NPTN: variants seen among roughly 807,000 people sequenced by gnomAD.
NPTN encodes the protein neuroplastin.
NPTN carries 5 observed loss-of-function variants against 42.7 expected under a neutral mutation model. The ratio of observed to expected loss-of-function variants is 0.12; its 90% confidence interval spans 0.06 to 0.25. The LOEUF (loss-of-function observed/expected upper bound fraction) is 0.25. Among genes scored for constraint, NPTN ranks in the 10% least tolerant of loss-of-function variants. The pLI, the probability that NPTN is intolerant of heterozygous loss-of-function variation, is 1.00. For synonymous variants in NPTN, 180 were observed against 201.9 expected (o/e 0.89, Z 0.92); for missense variants, 307 against 525.4 (o/e 0.58, Z 4.06).
At chr15:73,582,161 T>C (rs1896081805) in intron 4 of NPTN, among the ~76,000 whole-genome samples, 1 of 152,234 alleles carries the variant, frequency 6.6e-6, no homozygotes, top group South Asian at 2.1e-4. Context: ...TTTTAAAGCA[T>C]GTTCATAACC....
chr15:73,582,912 A>G (rs1896124475), intron 4 of NPTN, among the ~76,000 whole-genome samples: 1 of 152,124 alleles, frequency 6.6e-6, no homozygotes, highest in African/African-American at 2.4e-5. Context: ...ATCGGACTCC[A>G]AGTTCTTCAG....
At chr15:73,565,479 G>A (rs184566875) in intron 6 of NPTN, among the ~76,000 whole-genome samples, 1 of 152,310 alleles carries the variant, frequency 6.6e-6, no homozygotes, top group Admixed American at 6.5e-5. Context: ...ATTATGAACT[G>A]TGCATCGTAT....
At chr15:73,622,810 A>C (rs969151535) in intron 1 of NPTN, among the ~76,000 whole-genome samples, 5 of 152,214 alleles carry the variant, frequency 3.3e-5, no homozygotes, top group African/African-American at 1.2e-4. Context: ...CAAAATAGCA[A>C]AGATACATTC....
intron 1 of NPTN, among the ~76,000 whole-genome samples, chr15:73,616,745 T>C (rs149817832): frequency 5.1e-4 from 78 of 152,312 alleles, no homozygotes; most frequent in African/African-American, 1.8e-3. Flanking sequence ...ACTACTTACC[T>C]AGTGTCCCAA....
At chr15:73,602,081 G>A (rs1897106814) in intron 1 of NPTN, among the ~76,000 whole-genome samples, 1 of 152,092 alleles carries the variant, frequency 6.6e-6, no homozygotes, top group Non-Finnish European at 1.5e-5. Flanking sequence ...CCAATCCCAG[G>A]AAAACTGCTT....
intron 3 of NPTN, among the ~76,000 whole-genome samples, chr15:73,591,121 A>G (rs200867418): frequency 2.6e-5 from 4 of 152,180 alleles, no homozygotes; most frequent in African/African-American, 4.8e-5. Context: ...CTTGCTTGGG[A>G]AAAAAAGGAT....
intron 1 of NPTN, among the ~76,000 whole-genome samples, chr15:73,605,771 G>C (rs1374341782): frequency 6.6e-6 from 1 of 150,672 alleles, no homozygotes; most frequent in Middle Eastern, 3.5e-3. Flanking sequence ...GCAAAGAGAA[G>C]AATCAGCTCA....
intron 3 of NPTN, among the ~76,000 whole-genome samples, chr15:73,590,184 C>T (rs954868180): frequency 6.6e-6 from 1 of 152,046 alleles, no homozygotes; most frequent in Non-Finnish European, 1.5e-5. Context: ...TCCCTACAGG[C>T]TGGGCAGAAG....
chr15:73,582,751 G>A (rs1373827969), intron 4 of NPTN, among the ~76,000 whole-genome samples: 2 of 152,260 alleles, frequency 1.3e-5, no homozygotes, highest in African/African-American at 4.8e-5. Flanking sequence ...AGGTGTGGGA[G>A]TCATTCAGGT....
intron 1 of NPTN, among the ~76,000 whole-genome samples, chr15:73,609,204 T>C (rs1168461519): frequency 2.0e-5 from 3 of 152,204 alleles, no homozygotes; most frequent in Non-Finnish European, 4.4e-5. Context: ...CAAGTAAATA[T>C]TTTATTACTT....
chr15:73,596,010 A>C (rs1009670635), intron 2 of NPTN, among the ~76,000 whole-genome samples: 2 of 152,236 alleles, frequency 1.3e-5, no homozygotes, highest in Non-Finnish European at 2.9e-5. Context: ...CACAAAGAAA[A>C]GGCCAGTGTG....
At chr15:73,624,649 G>A (rs561953250) in intron 1 of NPTN, among the ~76,000 whole-genome samples, 2 of 151,992 alleles carry the variant, frequency 1.3e-5, no homozygotes, top group South Asian at 4.1e-4. Flanking sequence ...AAACATGAAC[G>A]GCAGATGATT....
At position 73,579,660 on chromosome 15, in the gene NPTN, G is replaced by A. The variant is rs185469547; in HGVS notation, c.707-5865C>T. Among the ~76,000 whole-genome samples, 206 of 152,230 alleles carry A rather than the reference G, an allele frequency of 1.4e-3. 1 individual carries two copies. The highest frequency in any genetic ancestry group is 2.4e-3 in the Admixed American group (37 of 15,286). On this transcript the variant is annotated intron_variant, in intron 4 of 8. Transcript: ENST00000345330. ...ACAGTCTTCACTCCTGCCTTGGTGTGTGGGAGGAGGAGAACACCACTTCCC... is the reference window on the plus strand; with the variant it reads ...ACAGTCTTCACTCCTGCCTTGGTGTATGGGAGGAGGAGAACACCACTTCCC...
At chr15:73,572,765 A>C (rs1308709314) in intron 5 of NPTN, among the ~76,000 whole-genome samples, 1 of 152,236 alleles carries the variant, frequency 6.6e-6, no homozygotes, top group Non-Finnish European at 1.5e-5. Context: ...ATGGACGAGA[A>C]TTAGGCTCGG....
intron 1 of NPTN, among the ~76,000 whole-genome samples, chr15:73,602,356 G>A (rs1222558030): frequency 6.6e-6 from 1 of 151,950 alleles, no homozygotes. Flanking sequence ...TTCGTTCCTC[G>A]CAATAAAGAG....
In NPTN at chr15:73,561,034, C is replaced by T. The variant is rs1199146432; in HGVS notation, c.*29G>A. On this transcript the variant is annotated 3_prime_UTR_variant, in exon 9 of 9. Transcript: ENST00000345330. ...TAGCAGGTCATGTTGCCACCAGTTT[C>T]AGGAACCTAAAGATCTGTAAAGAAA... The T allele has an allele frequency of 6.6e-6, 1 of 152,646 alleles. No individual in the cohort carries two copies. The highest frequency in any genetic ancestry group is 1.5e-5 in the Non-Finnish European group (1 of 68,054). 9.5% of individuals were successfully genotyped at this position (152,646 alleles called of 1,614,324 possible). A position where few individuals can be genotyped will look rare whatever the true frequency, so the allele number is the denominator to read the frequency against.
chr15:73,585,628 A>G (rs1217369958), intron 4 of NPTN, among the ~76,000 whole-genome samples: 2 of 152,224 alleles, frequency 1.3e-5, no homozygotes, highest in Non-Finnish European at 2.9e-5. Flanking sequence ...GGAGAAGGAA[A>G]GACAGACTAG....
intron 1 of NPTN, among the ~76,000 whole-genome samples, chr15:73,622,175 C>CA: frequency 6.6e-6 from 1 of 151,996 alleles, no homozygotes; most frequent in African/African-American, 2.4e-5. Flanking sequence ...AAAAACCAAA[C>CA]AAAAAAACAA....
intron 1 of NPTN, among the ~76,000 whole-genome samples, chr15:73,610,030 TAAAC>T (rs1254910787): frequency 1.3e-5 from 2 of 152,164 alleles, no homozygotes; most frequent in Non-Finnish European, 2.9e-5. Context: ...TTTGTGTCCT[TAAAC>T]AAATCCCTCC....
Sources: allele counts gnomAD v4.1 joint callset (sites outside exome capture counted in the v4.1 genomes callset), GRCh38; gene constraint gnomAD v4.1.1; transcripts MANE v1.5; gene names NCBI Gene and HGNC (gene_info 2026-07-23, HGNC 2026-07-21).